CSMD1: variants seen among roughly 807,000 people sequenced by gnomAD.
CSMD1 encodes the protein CUB and sushi domain-containing protein 1.
A neutral mutation model predicts 417.5 loss-of-function variants in CSMD1; 213 were observed. That is an observed-to-expected ratio of 0.51 (90% CI 0.46 to 0.57). CSMD1 has a LOEUF of 0.57. CSMD1 is among the 20% of genes least tolerant of loss of function. The probability of loss-of-function intolerance (pLI) is 0.00; values close to 1 mark genes in which losing one functional copy is unlikely to be tolerated. For missense variants in CSMD1, 6,923 were observed against 4,529.7 expected (o/e 1.53, Z -15.17); for synonymous variants, 2,862 against 1,736.8 (o/e 1.65, Z -16.11).
At chr8:3,168,931 C>G (rs1820408389) in intron 37 of CSMD1, among the ~76,000 whole-genome samples, 1 of 151,912 alleles carries the variant, frequency 6.6e-6, no homozygotes, top group Admixed American at 6.6e-5. Context: ...CTCTCTCTCT[C>G]TCTCTCAGGG....
chr8:3,821,502 GCTGGGTGC>G (rs1801734156), intron 5 of CSMD1, among the ~76,000 whole-genome samples: 1 of 99,214 alleles, frequency 1.0e-5, no homozygotes, highest in Non-Finnish European at 2.6e-5. Context: ...TCTACCAGGA[GCTGGGTGC>G]GGTGGCTCAC....
At chr8:3,057,278 T>C (rs898944296) in intron 49 of CSMD1, among the ~76,000 whole-genome samples, 1 of 152,246 alleles carries the variant, frequency 6.6e-6, no homozygotes, top group African/African-American at 2.4e-5. Flanking sequence ...ATTTGAATTG[T>C]GTAAGTTAAA....
chr8:3,755,838 T>A (rs575760860), intron 5 of CSMD1, among the ~76,000 whole-genome samples: 2 of 152,216 alleles, frequency 1.3e-5, no homozygotes, highest in Non-Finnish European at 2.9e-5. Flanking sequence ...ACTGCTCAGA[T>A]TTGCCTCTTT....
chr8:4,742,983 C>T (rs1325281267), intron 1 of CSMD1, among the ~76,000 whole-genome samples: 3 of 152,170 alleles, frequency 2.0e-5, no homozygotes, highest in Admixed American at 2.0e-4. Context: ...GAAACATGGT[C>T]AACTGTCAAC....
intron 50 of CSMD1, among the ~76,000 whole-genome samples, chr8:3,034,456 A>T (rs1270295094): frequency 1.3e-5 from 2 of 152,182 alleles, no homozygotes; most frequent in Admixed American, 1.3e-4. Flanking sequence ...GAAATAGTTC[A>T]ACTAAGTCCC....
chr8:4,412,512 T>TA (rs1796705132), intron 3 of CSMD1, among the ~76,000 whole-genome samples: 1 of 152,144 alleles, frequency 6.6e-6, no homozygotes, highest in South Asian at 2.1e-4. Context: ...GTGAACCAAT[T>TA]ACACCTATTT....
intron 42 of CSMD1, among the ~76,000 whole-genome samples, chr8:3,116,994 T>C (rs1816912893): frequency 6.6e-6 from 1 of 152,162 alleles, no homozygotes; most frequent in African/African-American, 2.4e-5. Flanking sequence ...ATTTTATATG[T>C]AATTAAATAA....
chr8:3,452,704 C>T (rs369354503), intron 12 of CSMD1, among the ~76,000 whole-genome samples: 11,210 of 152,194 alleles, frequency 0.074, 554 homozygotes, highest in Non-Finnish European at 0.11. Flanking sequence ...TGATGTGCTT[C>T]TTGATTTGGT....
chr8:4,816,312 G>C (rs952899757), intron 1 of CSMD1, among the ~76,000 whole-genome samples: 1 of 152,126 alleles, frequency 6.6e-6, no homozygotes, highest in South Asian at 2.1e-4. Flanking sequence ...AGCCTGCCAA[G>C]TAGCTGGGAT....
At chr8:3,719,693 A>T (rs1802039109) in intron 6 of CSMD1, among the ~76,000 whole-genome samples, 1 of 152,128 alleles carries the variant, frequency 6.6e-6, no homozygotes, top group Non-Finnish European at 1.5e-5. Flanking sequence ...ATTCACATAG[A>T]ACACACTGTA....
At chr8:3,449,166 T>G (rs973947431) in intron 12 of CSMD1, among the ~76,000 whole-genome samples, 6 of 152,194 alleles carry the variant, frequency 3.9e-5, no homozygotes, top group African/African-American at 1.4e-4. Context: ...GTCTTGAAAT[T>G]AGTTGGTGGG....
chr8:3,629,956 A>G (rs1418389695), intron 7 of CSMD1, among the ~76,000 whole-genome samples: 2 of 152,258 alleles, frequency 1.3e-5, no homozygotes, highest in Non-Finnish European at 2.9e-5. Context: ...GTCTTATTGA[A>G]TTATATTTAA....
chr8:4,117,432 G>A (rs1802219588), intron 3 of CSMD1, among the ~76,000 whole-genome samples: 1 of 152,020 alleles, frequency 6.6e-6, no homozygotes, highest in South Asian at 2.1e-4. Flanking sequence ...ATACAAGCAG[G>A]ACCGCATGCT....
At chr8:3,305,976 G>T (rs62504392) in intron 25 of CSMD1, among the ~76,000 whole-genome samples, 14 of 151,796 alleles carry the variant, frequency 9.2e-5, no homozygotes, top group East Asian at 3.9e-4. Flanking sequence ...CACTGCACCC[G>T]GCCCCACAGT....
chr8:3,904,157 C>T (rs573564930), intron 5 of CSMD1, among the ~76,000 whole-genome samples: 1 of 152,202 alleles, frequency 6.6e-6, no homozygotes, highest in South Asian at 2.1e-4. Flanking sequence ...ATTATTTTCA[C>T]TTTGCTACAA....
chr8:3,894,053 G>A (rs1247709257), intron 5 of CSMD1, among the ~76,000 whole-genome samples: 2 of 152,122 alleles, frequency 1.3e-5, no homozygotes, highest in African/African-American at 4.8e-5. Context: ...GGTCATTGCT[G>A]CCACATCCTC....
intron 21 of CSMD1, among the ~76,000 whole-genome samples, chr8:3,349,674 T>A (rs4875661): frequency 0.31 from 46,639 of 149,038 alleles, 7,586 homozygotes; most frequent in South Asian, 0.42. Context: ...TCTGTAAAAA[T>A]CATTTTAAAA....
chr8:3,438,306 C>CA (rs1411565701), intron 12 of CSMD1, among the ~76,000 whole-genome samples: 5 of 152,130 alleles, frequency 3.3e-5, no homozygotes, highest in Admixed American at 6.6e-5. Flanking sequence ...CAGAATTTTG[C>CA]AAAACTGTAT....
intron 3 of CSMD1, among the ~76,000 whole-genome samples, chr8:4,176,918 A>C (rs1798078759): frequency 6.7e-6 from 1 of 149,900 alleles, no homozygotes; most frequent in Non-Finnish European, 1.5e-5. Flanking sequence ...AGGAGCACCC[A>C]GATTCATAAA....
Sources: gnomAD v4.1 joint callset for allele counts (sites outside exome capture counted in the v4.1 genomes callset) on GRCh38, gnomAD v4.1.1 for gene constraint, MANE v1.5 for transcripts, NCBI Gene and HGNC (gene_info 2026-07-23, HGNC 2026-07-21) for gene names.